Variants in TFF2 observed in about 807,000 individuals in gnomAD.
TFF2 encodes trefoil factor 2, also known as spasmolysin.
In TFF2, 19 loss-of-function variants were observed where a neutral mutation model predicts 16.0. The observed-to-expected ratio is 1.19, with a 90% CI of 0.83 to 1.74. The LOEUF (loss-of-function observed/expected upper bound fraction) is 1.74, where lower values mean the gene tolerates loss of function less well. Among genes scored for constraint, TFF2 ranks in the 40% most tolerant of loss-of-function variants. The pLI is 0.00. For synonymous variants in TFF2, 61 were observed against 65.4 expected (o/e 0.93, Z 0.32); for missense variants, 168 against 166.8 (o/e 1.01, Z -0.04).
chr21:42,347,853 G>A (rs965853031), intron 2 of TFF2, among the ~76,000 whole-genome samples: 1 of 152,210 alleles, frequency 6.6e-6, no homozygotes, highest in African/African-American at 2.4e-5. Context: ...CGGCCCCAGC[G>A]ACGCTTGGCT....
At chr21:42,348,078 A>C (rs2146393195) in intron 2 of TFF2, among the ~76,000 whole-genome samples, 1 of 152,318 alleles carries the variant, frequency 6.6e-6, no homozygotes, top group East Asian at 1.9e-4. Flanking sequence ...ACTGCCATTC[A>C]GTGGGCGCTC....
intron 2 of TFF2, 92 bp from the exon 3 acceptor site, chr21:42,347,724 T>G: frequency 2.0e-6 from 3 of 1,481,188 alleles, no homozygotes; most frequent in Non-Finnish European, 1.8e-6. Context: ...CAGCGCTGAT[T>G]TGCAGCCTCC....
intron 2 of TFF2, 132 bp downstream of exon 2, chr21:42,349,749 T>TTAGACTAACTAGCCTACACTAGCC (rs2052100876): frequency 1.1e-6 from 1 of 923,684 alleles, no homozygotes; most frequent in Non-Finnish European, 1.6e-6. Context: ...CGGGGCTAGC[T>TTAGACTAACTAGCCTACACTAGCC]CGAGACTAAC....
chr21:42,349,267 C>A (rs2052094244), intron 2 of TFF2, among the ~76,000 whole-genome samples: 2 of 151,758 alleles, frequency 1.3e-5, no homozygotes, highest in South Asian at 4.1e-4. Flanking sequence ...GGGCTAGCTC[C>A]AGACTAACCA....
At chr21:42,346,916 C>G (rs569386734) in intron 3 of TFF2, among the ~76,000 whole-genome samples, 3 of 152,304 alleles carry the variant, frequency 2.0e-5, no homozygotes, top group South Asian at 4.1e-4. Flanking sequence ...CCTGGATCTG[C>G]TTGGTCTTTT....
At chr21:42,347,735 G>A (rs1271394777) in intron 2 of TFF2, 103 bp from the exon 3 acceptor site, 2 of 1,436,542 alleles carry the variant, frequency 1.4e-6, no homozygotes, top group Non-Finnish European at 9.3e-7. Flanking sequence ...TGCAGCCTCC[G>A]TGGATCATGA....
chr21:42,347,757 G>A (rs1406464803), intron 2 of TFF2, 125 bp from the exon 3 acceptor site: 1 of 1,258,276 alleles, frequency 7.9e-7, no homozygotes, highest in Non-Finnish European at 1.1e-6. Context: ...GTGCTGCCTG[G>A]GGCAGCATCC....
At chr21:42,348,323 C>G (rs1395040670) in intron 2 of TFF2, among the ~76,000 whole-genome samples, 1 of 152,202 alleles carries the variant, frequency 6.6e-6, no homozygotes, top group Non-Finnish European at 1.5e-5. Context: ...ACTTCCTTCC[C>G]TAACATTTGA....
chr21:42,346,915 GCTTGGTCTTTTTTTAC>G (rs1477091984), intron 3 of TFF2, among the ~76,000 whole-genome samples: 1 of 152,212 alleles, frequency 6.6e-6, no homozygotes, highest in Non-Finnish European at 1.5e-5. Flanking sequence ...TCCTGGATCT[GCTTGGTCTTTTTTTAC>G]CTCGCCACAC....
rs1420874143 is a variant in TFF2 at position 42,346,398 on chromosome 21, T to C, written c.*135A>G. 9 of 1,181,426 alleles carry C rather than the reference T, an allele frequency of 7.6e-6. No homozygotes were observed. The highest frequency in any genetic ancestry group is 1.1e-5 in the Non-Finnish European group (9 of 805,588). The allele number at this position is 1,181,426 out of a possible 1,614,324, so 73.2% of individuals were successfully genotyped here. A position where few individuals can be genotyped will look rare whatever the true frequency, so the allele number is the denominator to read the frequency against. On this transcript the variant is annotated 3_prime_UTR_variant, in exon 4 of 4. Coordinates refer to ENST00000291526, the MANE Select transcript of TFF2 (RefSeq NM_005423.5). ...GGTTTTATTTAAAGAAATTATATGT[T>C]AAACCATTGAAAATGAGGAAAAGAT...
rs1365401777 is a variant in TFF2 at position 42,349,916 on chromosome 21, C to G, written c.194G>C (p.Gly65Ala). 3 of 1,601,352 alleles carry G rather than the reference C, an allele frequency of 1.9e-6. No homozygotes were observed. The Admixed American group carries it at 5.1e-5, about 27-fold the overall frequency. Residue 65 changes from glycine (G) to alanine (A), a missense_variant, in exon 2 of 4, where the codon GGG becomes GCG. Gly to Ala is a moderately conservative substitution (Grantham distance 60). Coordinates refer to ENST00000291526, the MANE Select transcript of TFF2 (RefSeq NM_005423.5). ...NGCCFDSSVT[G>A]VPWCFHPLPK... is the part of the protein sequence containing the mutation. ...GAGGGGGTGGAAACACCAGGGGACC[C>G]CAGTGACACTGGAGTCGAAACAGCA...
Position 42,350,042 on chromosome 21 carries a change from C to T in TFF2, c.80-12G>A, listed in dbSNP as rs1282012604. On this transcript the variant is annotated splice_polypyrimidine_tract_variant and intron_variant, in intron 1 of 3. Coordinates refer to ENST00000291526, the MANE Select transcript of TFF2 (RefSeq NM_005423.5). ...GCACTGGCAGGGGGCTGTGGAAAGA[C>T]CCTCAGTCGGCCCCACCCTGGTACC... 2.5e-6 allele frequency: 4 copies of T among 1,591,300 alleles called. No homozygotes were observed. The highest frequency in any genetic ancestry group is 3.4e-6 in the Non-Finnish European group (4 of 1,169,336).
chr21:42,349,824 T>C lies in TFF2; in HGVS notation c.229+57A>G, dbSNP rs573150918. 6 of 1,514,186 alleles carry C rather than the reference T, an allele frequency of 4.0e-6. No homozygotes were observed. In the Admixed American group the frequency reaches 9.9e-5, roughly 25 times the overall value. The allele number at this position is 1,514,186 out of a possible 1,614,324, so 93.8% of individuals were successfully genotyped here. Reference sequence around the variant, plus strand: ...CGGCCCCTGCTCTGGGCTCCGCCTGTGAAGCTGGGTCCTGGGTTGCCAGCT... The same window carrying C: ...CGGCCCCTGCTCTGGGCTCCGCCTGCGAAGCTGGGTCCTGGGTTGCCAGCT... On this transcript the variant is annotated intron_variant, in intron 2 of 3. Transcript: ENST00000291526.
rs551347330 is a variant in TFF2, at chr21:42,350,925, C to T, written c.33G>A (p.Ala11=). 141 of 1,613,928 alleles carry T rather than the reference C, an allele frequency of 8.7e-5. 3 individuals are homozygous for T. The South Asian group carries it at 1.2e-3, about 14-fold the overall frequency. ...GGGCACATAGCCCCAGGACGAGGAG[C>T]GCTGCCAGGAGCTGGGCGTCTCGCC... MGRRDAQLLA[A]LLVLGLCALA... The change falls in exon 1 of 4, where the codon GCG becomes GCA. Residue 11 remains alanine (A), a synonymous_variant. Transcript: ENST00000291526.
chr21:42,347,535 G>A lies in TFF2; in HGVS notation c.327C>T (p.Ser109=). 1 of 1,614,206 alleles carries A rather than the reference G, an allele frequency of 6.2e-7. No individual in the cohort carries two copies. The highest frequency in any genetic ancestry group is 8.5e-7 in the Non-Finnish European group (1 of 1,180,016). Residue 109 remains serine, a synonymous_variant, in exon 3 of 4, where the codon TCC becomes TCT. Transcript: ENST00000291526. The stretch of plus-strand genomic sequence containing the variant: ...ACCAGGGCACTTCAAAGATGAAGTT[G>A]GAGAAGCAGCACTTCCGAGAGGCGC... ...EECASRKCCF[S]NFIFEVPWCF...
At chr21:42,350,056 C>T in intron 1 of TFF2, 26 bp from the exon 2 acceptor site, 1 of 1,581,102 alleles carries the variant, frequency 6.3e-7, no homozygotes, top group Non-Finnish European at 8.6e-7. Flanking sequence ...CAGTCGGCCC[C>T]ACCCTGGTAC....
chr21:42,346,583 C>T (rs529457253), intron 3 of TFF2, 37 bp from the exon 4 acceptor site: 5 of 1,584,310 alleles, frequency 3.2e-6, no homozygotes, highest in East Asian at 4.5e-5. Flanking sequence ...GTAAGGGAAC[C>T]CCAGAAATGG....
intron 1 of TFF2, 180 bp from the exon 2 acceptor site, chr21:42,350,210 AT>A: frequency 8.1e-7 from 1 of 1,239,882 alleles, no homozygotes; most frequent in Non-Finnish European, 1.0e-6. Context: ...CTTTGCTGAA[AT>A]TGTTATATTA....
intron 3 of TFF2, 78 bp from the exon 4 acceptor site, chr21:42,346,624 G>C (rs1161935644): frequency 1.4e-6 from 2 of 1,472,186 alleles, no homozygotes; most frequent in Admixed American, 2.3e-5. Context: ...TGGGGTGGGC[G>C]TGCATCACTT....
Sources: allele counts gnomAD v4.1 joint callset (sites outside exome capture counted in the v4.1 genomes callset), GRCh38; gene constraint gnomAD v4.1.1; transcripts MANE v1.5; gene names NCBI Gene and HGNC (gene_info 2026-07-23, HGNC 2026-07-21).